Variants in TSPAN18 observed in about 807,000 individuals in gnomAD.
The protein encoded by TSPAN18 is tetraspanin-18.
TSPAN18 carries 14 observed loss-of-function variants against 27.3 expected under a neutral mutation model. The observed-to-expected ratio is 0.51, with a 90% CI of 0.34 to 0.80. The LOEUF (loss-of-function observed/expected upper bound fraction) is 0.80. TSPAN18 is among the 30% of genes least tolerant of loss of function. The pLI is 0.01. For synonymous variants in TSPAN18, 143 were observed against 136.5 expected (o/e 1.05, Z -0.33); for missense variants, 268 against 323.9 (o/e 0.83, Z 1.32).
At chr11:44,896,661 T>G (rs748097733) in intron 3 of TSPAN18, among the ~76,000 whole-genome samples, 34 of 152,120 alleles carry the variant, frequency 2.2e-4, no homozygotes, top group Admixed American at 6.5e-4. Context: ...AGACTAGCCT[T>G]CACCATCCCC....
At chr11:44,928,680 G>A (rs1354747312) in intron 9 of TSPAN18, among the ~76,000 whole-genome samples, 1 of 152,204 alleles carries the variant, frequency 6.6e-6, no homozygotes, top group Non-Finnish European at 1.5e-5. Flanking sequence ...CAGCTACTCA[G>A]GAGGCTGAGG....
At position 44,897,356 on chromosome 11, in the gene TSPAN18, G is replaced by C. The variant is rs558704696; in HGVS notation, c.-10-9051G>C. On this transcript the variant is annotated intron_variant, in intron 3 of 9. Transcript: ENST00000520358. ...GAAGTTGATGAACAGGGCCCTGCTG[G>C]CACTCTCTCTGCTGAAGTATTGTGG... Among the ~76,000 whole-genome samples, 3 of 152,256 alleles carry C rather than the reference G, an allele frequency of 2.0e-5. No individual in the cohort carries two copies. The East Asian group carries it at 5.8e-4, about 29-fold the overall frequency.
rs920832132 is a variant in TSPAN18 at position 44,781,282 on chromosome 11, G to A, written c.-153+16770G>A. On this transcript the variant is annotated intron_variant, in intron 2 of 9. Coordinates refer to ENST00000520358, the MANE Select transcript of TSPAN18 (RefSeq NM_130783.5). ...ACCCAGTGTCCAGCATGAGGCTCTT[G>A]TTGGGAGGGAGGGAGCTCTTCCATG... is the stretch of plus-strand genomic sequence containing the variant. Among the ~76,000 whole-genome samples, 7 of 152,264 alleles carry A rather than the reference G, an allele frequency of 4.6e-5. 1 individual carries two copies. The South Asian group carries it at 1.4e-3, about 31-fold the overall frequency.
intron 2 of TSPAN18, among the ~76,000 whole-genome samples, chr11:44,778,032 T>C (rs985419416): frequency 6.6e-6 from 1 of 151,966 alleles, no homozygotes; most frequent in Admixed American, 6.6e-5. Flanking sequence ...CTTGGAGAGG[T>C]TGAGCAGATG....
chr11:44,931,301 A>G lies in TSPAN18; in HGVS notation c.*2123A>G, dbSNP rs542402490. ...TAGCCCCAGCTTTTTGGAAGAGGCA[A>G]ATGGCTGGTCTGAGGATGACACACA... is the stretch of plus-strand genomic sequence containing the variant. On this transcript the variant is annotated 3_prime_UTR_variant, in exon 10 of 10. Coordinates refer to ENST00000520358, the MANE Select transcript of TSPAN18 (RefSeq NM_130783.5). The G allele has an allele frequency of 1.2e-3, 253 of 215,248 alleles. 1 individual carries two copies. The highest frequency in any genetic ancestry group is 1.7e-3 in the Non-Finnish European group (180 of 105,520). The allele number at this position is 215,248 out of a possible 1,614,324, so 13.3% of individuals were successfully genotyped here.
chr11:44,871,426 T>C (rs769538025), intron 3 of TSPAN18, among the ~76,000 whole-genome samples: 1 of 152,112 alleles, frequency 6.6e-6, no homozygotes, highest in South Asian at 2.1e-4. Flanking sequence ...TACCATCACA[T>C]TGGGGATGAG....
chr11:44,853,773 G>T (rs1857660648), intron 2 of TSPAN18, among the ~76,000 whole-genome samples: 1 of 152,168 alleles, frequency 6.6e-6, no homozygotes, highest in African/African-American at 2.4e-5. Flanking sequence ...GCACTGAGAG[G>T]AGAGGACCAG....
intron 1 of TSPAN18, among the ~76,000 whole-genome samples, chr11:44,763,175 A>T (rs1855492571): frequency 6.6e-6 from 1 of 152,198 alleles, no homozygotes; most frequent in African/African-American, 2.4e-5. Flanking sequence ...CTGAAACTTG[A>T]TCAGGGTTTC....
At chr11:44,831,167 T>C (rs79147774) in intron 2 of TSPAN18, among the ~76,000 whole-genome samples, 1 of 152,276 alleles carries the variant, frequency 6.6e-6, no homozygotes, top group African/African-American at 2.4e-5. Context: ...ACTATGCCAG[T>C]ACTGTGTTAT....
intron 3 of TSPAN18, among the ~76,000 whole-genome samples, chr11:44,902,803 C>T (rs992683492): frequency 6.6e-6 from 1 of 152,116 alleles, no homozygotes; most frequent in Non-Finnish European, 1.5e-5. Flanking sequence ...GGGGGCCTGT[C>T]CTGGGCTGTC....
At chr11:44,761,630 T>C (rs1295853133) in intron 1 of TSPAN18, among the ~76,000 whole-genome samples, 5 of 152,172 alleles carry the variant, frequency 3.3e-5, no homozygotes, top group African/African-American at 4.8e-5. Flanking sequence ...GTAATTTTGT[T>C]ATTGACAGGC....
At chr11:44,733,230 A>G (rs1342755041) in intron 1 of TSPAN18, among the ~76,000 whole-genome samples, 1 of 152,210 alleles carries the variant, frequency 6.6e-6, no homozygotes, top group African/African-American at 2.4e-5. Context: ...TTAAGGATCA[A>G]TTGAGATGAT....
chr11:44,795,020 G>A (rs923266147), intron 2 of TSPAN18, among the ~76,000 whole-genome samples: 3 of 152,102 alleles, frequency 2.0e-5, no homozygotes, highest in Admixed American at 6.5e-5. Context: ...GGCAGACATC[G>A]GCATTGTCCA....
At chr11:44,903,172 G>T (rs183317076) in intron 3 of TSPAN18, among the ~76,000 whole-genome samples, 1 of 152,116 alleles carries the variant, frequency 6.6e-6, no homozygotes, top group African/African-American at 2.4e-5. Flanking sequence ...CTAGGGGAAG[G>T]CACTGAGCTT....
intron 1 of TSPAN18, among the ~76,000 whole-genome samples, chr11:44,760,366 G>A (rs541301162): frequency 1.3e-5 from 2 of 152,362 alleles, no homozygotes; most frequent in Admixed American, 1.3e-4. Flanking sequence ...CAGGTTCTAT[G>A]AGGATGGAGA....
rs1227287346 is a variant in TSPAN18, at chr11:44,860,348, C to T, written c.-132C>T. On this transcript the variant is annotated 5_prime_UTR_variant, in exon 3 of 10. Coordinates refer to ENST00000520358, the MANE Select transcript of TSPAN18 (RefSeq NM_130783.5). Reference sequence around the variant, plus strand: ...CACAGGTGAGCATCTCCTGGACCACCCTCAAGCTTCAGGTGAGCTGAGCTT... The same window carrying T: ...CACAGGTGAGCATCTCCTGGACCACTCTCAAGCTTCAGGTGAGCTGAGCTT... 6.6e-6 allele frequency: 1 copy of T among 152,208 alleles called. No homozygotes were observed. The highest frequency in any genetic ancestry group is 1.5e-5 in the Non-Finnish European group (1 of 68,038). The allele number at this position is 152,208 out of a possible 1,614,324, so 9.4% of individuals were successfully genotyped here.
chr11:44,887,373 ACT>A (rs1413922255), intron 3 of TSPAN18, among the ~76,000 whole-genome samples: 2 of 152,330 alleles, frequency 1.3e-5, no homozygotes, highest in South Asian at 2.1e-4. Context: ...ATACATGCTG[ACT>A]GTACTCAAAG....
Position 44,834,471 on chromosome 11 carries a change from G to T in TSPAN18, c.-152-25857G>T, listed in dbSNP as rs562912405. Among the ~76,000 whole-genome samples the T allele has an allele frequency of 6.0e-5, 9 of 150,222 alleles. No individual in the cohort carries two copies. In the East Asian group the frequency reaches 1.8e-3, roughly 30 times the overall value. On this transcript the variant is annotated intron_variant, in intron 2 of 9. Coordinates refer to ENST00000520358, the MANE Select transcript of TSPAN18 (RefSeq NM_130783.5). ...CTGGGTTGTGAAGTTGGCAAATGAT[G>T]AATCTATTTTTTTTTCCACTTTGAT...
At chr11:44,776,813 A>C (rs1226089603) in intron 2 of TSPAN18, among the ~76,000 whole-genome samples, 1 of 152,138 alleles carries the variant, frequency 6.6e-6, no homozygotes, top group African/African-American at 2.4e-5. Flanking sequence ...AGGGCTGGCC[A>C]TTGTCATCCT....
Sources: gnomAD v4.1 joint callset for allele counts (sites outside exome capture counted in the v4.1 genomes callset) on GRCh38, gnomAD v4.1.1 for gene constraint, MANE v1.5 for transcripts, NCBI Gene and HGNC (gene_info 2026-07-23, HGNC 2026-07-21) for gene names.